The following SLA variants were observed in gnomAD, a reference collection of about 807,000 sequenced individuals.
The protein encoded by SLA is Src like adaptor, also known as src-like-adapter.
In SLA, 16 loss-of-function variants were observed where a neutral mutation model predicts 30.3. The ratio of observed to expected loss-of-function variants is 0.53; its 90% confidence interval spans 0.36 to 0.80. The LOEUF (loss-of-function observed/expected upper bound fraction) is 0.80. SLA is among the 30% of genes least tolerant of loss of function. SLA has a pLI of 0.01. For missense variants in SLA, 310 were observed against 345.2 expected, an observed-to-expected ratio of 0.90 and a Z score of 0.81; for synonymous variants, 143 against 137.8, an observed-to-expected ratio of 1.04 and a Z score of -0.26.
At position 133,060,192 on chromosome 8, in the gene SLA, G is replaced by T; in HGVS notation, c.-32C>A. ...CTTTTTCCCTGGGGCCGCTGGTGAT[G>T]CCCAGAGCCTGTGGTATAGGAGACA... On this transcript the variant is annotated 5_prime_UTR_variant, in exon 3 of 9. Coordinates refer to ENST00000338087, the MANE Select transcript of SLA (RefSeq NM_001045556.3). 2 of 1,613,450 alleles carry T rather than the reference G, an allele frequency of 1.2e-6. No homozygotes were observed. The highest frequency in any genetic ancestry group is 8.5e-7 in the Non-Finnish European group (1 of 1,179,706).
intron 3 of SLA, chr8:133,059,267 CT>C (rs1587932612): frequency 5.2e-6 from 2 of 384,126 alleles, no homozygotes; most frequent in African/African-American, 4.2e-5. Flanking sequence ...AAGGTGCCCC[CT>C]GGCTTCCCTA....
chr8:133,101,083 G>C (rs1462790935), intron 1 of SLA, among the ~76,000 whole-genome samples: 5 of 152,110 alleles, frequency 3.3e-5, no homozygotes, highest in Non-Finnish European at 7.3e-5. Context: ...GGGCAGGAGT[G>C]GGGAGGGTGG....
At chr8:133,040,235 T>C in intron 7 of SLA, 105 bp from the exon 8 acceptor site, 1 of 1,244,340 alleles carries the variant, frequency 8.0e-7, no homozygotes, top group Non-Finnish European at 1.1e-6. Flanking sequence ...GCTGCTGCCA[T>C]GGGGAACTGG....
chr8:133,097,199 G>A (rs1848556929), intron 1 of SLA, among the ~76,000 whole-genome samples: 2 of 152,168 alleles, frequency 1.3e-5, no homozygotes, highest in South Asian at 4.1e-4. Flanking sequence ...AGTCTAACCG[G>A]AATTTTATTA....
chr8:133,051,349 C>T (rs1179584657), intron 3 of SLA, among the ~76,000 whole-genome samples: 1 of 152,158 alleles, frequency 6.6e-6, no homozygotes, highest in Non-Finnish European at 1.5e-5. Flanking sequence ...TGTAAAAACC[C>T]CCCTTCTCAC....
rs375417785 is a variant in SLA at position 133,044,943 on chromosome 8, G to A, written c.484+41C>T. ...CGCCACAGAGCAATTAGCTAAGAGG[G>A]GTCCCACCATCACAATCACTCCATA... On this transcript the variant is annotated intron_variant, in intron 7 of 8. Coordinates refer to ENST00000338087, the MANE Select transcript of SLA (RefSeq NM_001045556.3). 1.3e-5 allele frequency: 21 copies of A among 1,608,890 alleles called. No individual in the cohort carries two copies. In the African/African-American group the frequency reaches 1.9e-4, roughly 14 times the overall value.
intron 1 of SLA, chr8:133,096,056 G>T: frequency 1.1e-6 from 1 of 909,374 alleles, no homozygotes; most frequent in Non-Finnish European, 1.8e-6. Context: ...GTCACATGGT[G>T]TCCTGCCTGC....
In SLA at chr8:133,096,442, G is replaced by T. The variant is rs1257693101; in HGVS notation, c.-319+6111C>A. 3 of 1,576,374 alleles carry T rather than the reference G, an allele frequency of 1.9e-6. No homozygotes were observed. The African/African-American group carries it at 4.1e-5, about 21-fold the overall frequency. ...CTAAGGGCTCTGGACCTCAATGTCT[G>T]ACTTGATCAAGAGATATTGACCAAT... On this transcript the variant is annotated intron_variant, in intron 1 of 8. Transcript: ENST00000338087.
chr8:133,096,307 A>G, intron 1 of SLA: 1 of 1,614,200 alleles, frequency 6.2e-7, no homozygotes, highest in South Asian at 1.1e-5. Context: ...CTTTATGGGT[A>G]GAGGTCGATC....
intron 2 of SLA, among the ~76,000 whole-genome samples, chr8:133,070,024 AAAG>A (rs1212872673): frequency 0.02 from 1,804 of 91,922 alleles, 256 homozygotes; most frequent in Non-Finnish European, 0.036. Flanking sequence ...AAAAAAAAAA[AAAG>A]AAAGAAAGAA....
At chr8:133,083,842 C>G (rs973937011) in intron 1 of SLA, among the ~76,000 whole-genome samples, 4 of 152,180 alleles carry the variant, frequency 2.6e-5, no homozygotes, top group African/African-American at 9.7e-5. Flanking sequence ...CGTCCAGGTT[C>G]TAGTGAAGCC....
intron 3 of SLA, among the ~76,000 whole-genome samples, chr8:133,055,833 G>C (rs1841340105): frequency 3.5e-4 from 4 of 11,504 alleles, no homozygotes; most frequent in Admixed American, 1.8e-3. Context: ...ACCAGCAGCA[G>C]CAGCAGCAGC....
intron 7 of SLA, chr8:133,040,336 C>CCGAGA: frequency 3.5e-6 from 2 of 579,346 alleles, no homozygotes; most frequent in African/African-American, 1.9e-5. Context: ...CCCTGGTATA[C>CCGAGA]TCTGCACTTA....
chr8:133,052,508 C>A (rs1216270630), intron 3 of SLA, among the ~76,000 whole-genome samples: 1 of 152,194 alleles, frequency 6.6e-6, no homozygotes, highest in East Asian at 1.9e-4. Context: ...TGTCCTGCTG[C>A]AGACCTTCCC....
At position 133,070,029 on chromosome 8, in the gene SLA, A is replaced by AAAAAAAAAAAAAAAAC. The variant is rs376711807; in HGVS notation, c.-41+4823_-41+4824insGTTTTTTTTTTTTTTT. On this transcript the variant is annotated intron_variant, in intron 2 of 8. Coordinates refer to ENST00000338087, the MANE Select transcript of SLA (RefSeq NM_001045556.3). ...AAAAAAAAAAAAAAAAAAAAAAAGAAAGAAAGAAAGAAAAGAAAAGAAGAA... is the reference window on the plus strand; with the variant it reads ...AAAAAAAAAAAAAAAAAAAAAAAGAAAAAAAAAAAAAAAAACAGAAAGAAAGAAAAGAAAAGAAGAA... Among the ~76,000 whole-genome samples, 15 of 109,800 alleles carry AAAAAAAAAAAAAAAAC rather than the reference A, an allele frequency of 1.4e-4. 2 individuals carry two copies. Among genetic ancestry groups the AAAAAAAAAAAAAAAAC allele is most frequent in the African/African-American group, 3.9e-4 (10 of 25,816 alleles). The allele number at this position is 109,800 out of a possible 152,430, so 72.0% of individuals were successfully genotyped here. A position where few individuals can be genotyped will look rare whatever the true frequency, so the allele number is the denominator to read the frequency against.
Position 133,070,154 on chromosome 8 carries a change from A to G in SLA, c.-41+4699T>C, listed in dbSNP as rs540624414. On this transcript the variant is annotated intron_variant, in intron 2 of 8. Coordinates refer to ENST00000338087, the MANE Select transcript of SLA (RefSeq NM_001045556.3). Reference sequence around the variant, plus strand: ...CAATGTTTCAGGGGGAAAAATTCCTAATAGTGTGTGCCAATTTCTGTGGTG... The same window carrying G: ...CAATGTTTCAGGGGGAAAAATTCCTGATAGTGTGTGCCAATTTCTGTGGTG... Among the ~76,000 whole-genome samples the G allele has an allele frequency of 2.6e-5, 4 of 152,280 alleles. No individual in the cohort carries two copies. In the East Asian group the frequency reaches 5.8e-4, roughly 22 times the overall value.
chr8:133,087,071 TACACACACACACACACACACACAC>T lies in SLA; in HGVS notation c.-318-11965_-318-11942del, dbSNP rs56028043. ...TGTATAGATTTCCTGAATATATGTT[TACACACACACACACACACACACAC>T]ACACACACACACACACACACACACA... On this transcript the variant is annotated intron_variant, in intron 1 of 8. Coordinates refer to ENST00000338087, the MANE Select transcript of SLA (RefSeq NM_001045556.3). 4.2e-5 allele frequency among the ~76,000 whole-genome samples: 6 copies of T among 143,046 alleles called. No homozygotes were observed. The East Asian group carries it at 6.2e-4, about 15-fold the overall frequency. The allele number at this position is 143,046 out of a possible 152,430, so 93.8% of individuals were successfully genotyped here. A position where few individuals can be genotyped will look rare whatever the true frequency, so the allele number is the denominator to read the frequency against.
intron 2 of SLA, among the ~76,000 whole-genome samples, chr8:133,073,926 A>C (rs890082049): frequency 6.6e-6 from 1 of 152,150 alleles, no homozygotes; most frequent in Non-Finnish European, 1.5e-5. Flanking sequence ...TGAGGATTGC[A>C]GAAAAATAAC....
rs1837237146 is a variant in SLA at position 133,037,054 on chromosome 8, A to C, written c.*1470T>G. 1 of 152,196 alleles carries C rather than the reference A, an allele frequency of 6.6e-6. No homozygotes were observed. The highest frequency in any genetic ancestry group is 6.5e-5 in the Admixed American group (1 of 15,288). 9.4% of individuals were successfully genotyped at this position (152,196 alleles called of 1,614,324 possible). A position where few individuals can be genotyped will look rare whatever the true frequency, so the allele number is the denominator to read the frequency against. ...CACACTAGAATCTATGATACAGAAA[A>C]CTGTGTAACTGCACATACACATACC... On this transcript the variant is annotated 3_prime_UTR_variant, in exon 9 of 9. Coordinates refer to ENST00000338087, the MANE Select transcript of SLA (RefSeq NM_001045556.3).
Sources: allele counts gnomAD v4.1 joint callset (sites outside exome capture counted in the v4.1 genomes callset), GRCh38; gene constraint gnomAD v4.1.1; transcripts MANE v1.5; gene names NCBI Gene and HGNC (gene_info 2026-07-23, HGNC 2026-07-21).